ARFGEF2: variants seen among roughly 807,000 people sequenced by gnomAD.
ARFGEF2 encodes ARF guanine nucleotide exchange factor 2.
Under a neutral mutation model 219.9 loss-of-function variants are expected in ARFGEF2, and 74 were observed. The observed-to-expected ratio is 0.34, with a 90% CI of 0.28 to 0.41. The LOEUF (loss-of-function observed/expected upper bound fraction) is 0.41, where lower values mean the gene tolerates loss of function less well. Ranked by LOEUF, ARFGEF2 falls within the 10% of genes least tolerant of loss-of-function variation. ARFGEF2 has a pLI of 1.00. For synonymous variants in ARFGEF2, 733 were observed against 799.2 expected (o/e 0.92, Z 1.40); for missense variants, 1,743 against 2,218.3 (o/e 0.79, Z 4.30).
chr20:48,991,755 A>G lies in ARFGEF2; in HGVS notation c.2973+557A>G, dbSNP rs371581923. Among the ~76,000 whole-genome samples, 15 of 152,336 alleles carry G rather than the reference A, an allele frequency of 9.8e-5. 1 individual carries two copies. The highest frequency in any genetic ancestry group is 8.3e-4 in the South Asian group (4 of 4,830). ...TTAAAAAGAGCTAGATGTCCCAACAATATAAGAGATTGCTACTTTTTTTAA... is the reference window on the plus strand; with the variant it reads ...TTAAAAAGAGCTAGATGTCCCAACAGTATAAGAGATTGCTACTTTTTTTAA... On this transcript the variant is annotated intron_variant, in intron 21 of 38. Transcript: ENST00000371917.
rs2091538167 is a variant in ARFGEF2 at position 49,017,562 on chromosome 20, G to A, written c.4509+12G>A. 1 of 1,613,486 alleles carries A rather than the reference G, an allele frequency of 6.2e-7. No individual in the cohort carries two copies. Among genetic ancestry groups the A allele is most frequent in the Non-Finnish European group, 8.5e-7 (1 of 1,179,888 alleles). ...CAGAAAAGCATTTGGTAGGATTTGG[G>A]GTTTTTCTTTGGTTGTCTTTTCTTT... On this transcript the variant is annotated intron_variant, in intron 33 of 38. Coordinates refer to ENST00000371917, the MANE Select transcript of ARFGEF2 (RefSeq NM_006420.3).
chr20:48,977,784 A>AGT, intron 14 of ARFGEF2, among the ~76,000 whole-genome samples: 1 of 152,294 alleles, frequency 6.6e-6, no homozygotes, highest in Admixed American at 6.5e-5. Context: ...TCTTTTGAGC[A>AGT]GTGTCTGTTC....
At chr20:48,935,641 A>AG (rs972260407) in intron 1 of ARFGEF2, among the ~76,000 whole-genome samples, 7 of 151,872 alleles carry the variant, frequency 4.6e-5, no homozygotes, top group Non-Finnish European at 8.8e-5. Flanking sequence ...GGCCGGGCAG[A>AG]GGGGCTCCTC....
chr20:48,984,794 T>C lies in ARFGEF2; in HGVS notation c.2024T>C (p.Val675Ala), dbSNP rs762586847. The C allele has an allele frequency of 1.7e-5, 28 of 1,613,394 alleles. No homozygotes were observed. Among genetic ancestry groups the C allele is most frequent in the African/African-American group, 4.0e-5 (3 of 75,022 alleles). ...LQEQGMLGTS[V>A]EDIAQFLHQE... ...GAGCAGGGCATGCTGGGAACGTCAG[T>C]TGAAGACATAGCCCAATTCCTGCAC... is the stretch of plus-strand genomic sequence containing the variant. The change falls in exon 15 of 39, where the codon GTT (valine) becomes GCT (alanine). Residue 675 changes from valine (V) to alanine (A), a missense_variant. Coordinates refer to ENST00000371917, the MANE Select transcript of ARFGEF2 (RefSeq NM_006420.3).
rs6063347 is a variant in ARFGEF2, at chr20:49,014,060, C to G, written c.4179+100C>G. The G allele has an allele frequency of 2.7e-6, 4 of 1,496,676 alleles. No individual in the cohort carries two copies. In the East Asian group the frequency reaches 6.8e-5, roughly 26 times the overall value. 92.7% of individuals were successfully genotyped at this position (1,496,676 alleles called of 1,614,324 possible). Reference sequence around the variant, plus strand: ...GCTGCATCATCGTCTACCCAGAGTTCTTAAATACTGAGCAACTTAAGGTTT... The same window carrying G: ...GCTGCATCATCGTCTACCCAGAGTTGTTAAATACTGAGCAACTTAAGGTTT... On this transcript the variant is annotated intron_variant, in intron 30 of 38. Coordinates refer to ENST00000371917, the MANE Select transcript of ARFGEF2 (RefSeq NM_006420.3).
Position 48,944,013 on chromosome 20 carries a change from ATATT to A in ARFGEF2, c.276+2029_276+2032del, listed in dbSNP as rs78446529. On this transcript the variant is annotated intron_variant, in intron 3 of 38. Transcript: ENST00000371917. Reference sequence around the variant, plus strand: ...CCACATTTTTGGCATCTCTGGTCTAATATTTACTCTATTAATCTCTCTTCTTTGT... The same window carrying A: ...CCACATTTTTGGCATCTCTGGTCTAATACTCTATTAATCTCTCTTCTTTGT... Among the ~76,000 whole-genome samples, 430 of 152,316 alleles carry A rather than the reference ATATT, an allele frequency of 2.8e-3. 9 individuals carry two copies. The highest frequency in any genetic ancestry group is 0.021 in the Admixed American group (323 of 15,306).
At chr20:48,940,476 C>T (rs6019544) in intron 1 of ARFGEF2, among the ~76,000 whole-genome samples, 1 of 151,812 alleles carries the variant, frequency 6.6e-6, no homozygotes, top group Non-Finnish European at 1.5e-5. Flanking sequence ...TTGTTATATT[C>T]GTTTCCAGTC....
intron 1 of ARFGEF2, among the ~76,000 whole-genome samples, chr20:48,936,235 C>A (rs2090954915): frequency 6.9e-6 from 1 of 145,444 alleles, no homozygotes; most frequent in Non-Finnish European, 1.5e-5. Flanking sequence ...GACGGGGCGG[C>A]TGGCCGGGCG....
intron 1 of ARFGEF2, among the ~76,000 whole-genome samples, chr20:48,924,465 T>C (rs2123257807): frequency 7.0e-6 from 1 of 143,760 alleles, no homozygotes; most frequent in African/African-American, 2.6e-5. Flanking sequence ...TGAGCTGAGA[T>C]TGCGCCACTG....
At chr20:48,997,961 G>A (rs896647068) in intron 23 of ARFGEF2, 11 of 514,538 alleles carry the variant, frequency 2.1e-5, no homozygotes, top group African/African-American at 1.3e-4. Flanking sequence ...GAGTTCAAGC[G>A]AATCTTCTGC....
chr20:49,025,262 GA>G (rs1352831878), intron 35 of ARFGEF2, 50 bp from the exon 36 acceptor site: 2 of 1,570,612 alleles, frequency 1.3e-6, no homozygotes, highest in Non-Finnish European at 1.7e-6. Context: ...ACAATGCCCA[GA>G]GCATTCCATC....
chr20:48,984,841 G>A lies in ARFGEF2; in HGVS notation c.2070+1G>A. The A allele has an allele frequency of 6.2e-7, 1 of 1,612,366 alleles. No individual in the cohort carries two copies. Among genetic ancestry groups the A allele is most frequent in the Non-Finnish European group, 8.5e-7 (1 of 1,179,996 alleles). ...GCACCAGGAGGAGCGCCTGGATTCCGTAAGGCTTGGGGGTGTAGCACTTGC... is the reference window on the plus strand; with the variant it reads ...GCACCAGGAGGAGCGCCTGGATTCCATAAGGCTTGGGGGTGTAGCACTTGC... On this transcript the variant is annotated splice_donor_variant, in intron 15 of 38. Transcript: ENST00000371917. LOFTEE classifies it high-confidence loss of function.
Position 48,943,283 on chromosome 20 carries a change from G to A in ARFGEF2, c.276+1296G>A, listed in dbSNP as rs150568447. 1.9e-3 allele frequency among the ~76,000 whole-genome samples: 286 copies of A among 152,214 alleles called. 1 individual carries two copies. The highest frequency in any genetic ancestry group is 6.6e-3 in the African/African-American group (273 of 41,516). ...ACAAATGACCAAAAAAGCCCCAGACGTATTGATTTGGGCTTATAAATAAAT... is the reference window on the plus strand; with the variant it reads ...ACAAATGACCAAAAAAGCCCCAGACATATTGATTTGGGCTTATAAATAAAT... On this transcript the variant is annotated intron_variant, in intron 3 of 38. Coordinates refer to ENST00000371917, the MANE Select transcript of ARFGEF2 (RefSeq NM_006420.3).
chr20:49,008,486 C>G (rs2091476726), intron 26 of ARFGEF2, among the ~76,000 whole-genome samples: 1 of 151,632 alleles, frequency 6.6e-6, no homozygotes, highest in African/African-American at 2.4e-5. Flanking sequence ...TCACTTGAAC[C>G]TGGGAGGTGG....
At chr20:49,005,032 A>G in intron 25 of ARFGEF2, 38 bp from the exon 26 acceptor site, 1 of 1,613,848 alleles carries the variant, frequency 6.2e-7, no homozygotes, top group Non-Finnish European at 8.5e-7. Flanking sequence ...TCATTATTAC[A>G]CTATACCTGT....
chr20:48,971,034 G>A (rs774757432), intron 9 of ARFGEF2, 86 bp from the exon 10 acceptor site: 2 of 1,090,320 alleles, frequency 1.8e-6, no homozygotes, highest in South Asian at 1.3e-5. Flanking sequence ...TCTACTCATT[G>A]GTAAAGGAGC....
At chr20:48,963,055 A>C (rs1051248959) in intron 6 of ARFGEF2, among the ~76,000 whole-genome samples, 1 of 151,984 alleles carries the variant, frequency 6.6e-6, no homozygotes, top group African/African-American at 2.4e-5. Context: ...TAAAACTACA[A>C]AAATTAGCCG....
rs953761024 is a variant in ARFGEF2, at chr20:48,921,759, T to C, written c.-131T>C. 1 of 968,710 alleles carries C rather than the reference T, an allele frequency of 1.0e-6. No homozygotes were observed. The highest frequency in any genetic ancestry group is 1.8e-5 in the African/African-American group (1 of 57,068). The allele number at this position is 968,710 out of a possible 1,614,324, so 60.0% of individuals were successfully genotyped here. ...ACATGGCGGCGCCGTGGGGCCGAGG[T>C]GTCGCTTCCTGACGGGGCGGCGCGG... On this transcript the variant is annotated 5_prime_UTR_variant, in exon 1 of 39. Coordinates refer to ENST00000371917, the MANE Select transcript of ARFGEF2 (RefSeq NM_006420.3).
At chr20:48,987,776 C>G (rs572456892) in intron 16 of ARFGEF2, among the ~76,000 whole-genome samples, 1 of 152,158 alleles carries the variant, frequency 6.6e-6, no homozygotes, top group African/African-American at 2.4e-5. Flanking sequence ...TTCAAAGAAG[C>G]CTCAATTTTT....
Sources: gnomAD v4.1 joint callset for allele counts (sites outside exome capture counted in the v4.1 genomes callset) on GRCh38, gnomAD v4.1.1 for gene constraint, MANE v1.5 for transcripts, NCBI Gene and HGNC (gene_info 2026-07-23, HGNC 2026-07-21) for gene names.